Variants in DNMBP observed in about 807,000 individuals in gnomAD.
DNMBP encodes dynamin binding protein.
In DNMBP, 87 loss-of-function variants were observed where a neutral mutation model predicts 150.0. That is an observed-to-expected ratio of 0.58 (90% confidence interval 0.49 to 0.69). DNMBP has a LOEUF of 0.69. Among genes scored for constraint, DNMBP ranks in the 30% least tolerant of loss-of-function variants. The pLI is 0.00. For missense variants in DNMBP, 1,774 were observed against 1,949.0 expected (o/e 0.91, Z 1.69); for synonymous variants, 711 against 750.4 (o/e 0.95, Z 0.86).
chr10:99,927,960 G>C (rs1220734769), intron 4 of DNMBP, among the ~76,000 whole-genome samples: 1 of 152,146 alleles, frequency 6.6e-6, no homozygotes, highest in Non-Finnish European at 1.5e-5. Context: ...AGATGCGGGG[G>C]GAAGGGAAGA....
chr10:99,973,570 C>T (rs769741677), intron 1 of DNMBP, among the ~76,000 whole-genome samples: 1 of 152,222 alleles, frequency 6.6e-6, no homozygotes, highest in African/African-American at 2.4e-5. Context: ...CTCACAGCAG[C>T]AGGGCCAGAA....
intron 4 of DNMBP, among the ~76,000 whole-genome samples, chr10:99,924,903 C>T (rs1026352109): frequency 1.3e-5 from 2 of 152,170 alleles, no homozygotes; most frequent in African/African-American, 4.8e-5. Flanking sequence ...TTTCCTGCTC[C>T]ACAGCAATTA....
At chr10:99,888,979 G>A (rs3740059) in intron 11 of DNMBP, 26 bp from the exon 12 acceptor site, 5 of 1,612,816 alleles carry the variant, frequency 3.1e-6, no homozygotes, top group Non-Finnish European at 4.2e-6. Context: ...ACAGACACAA[G>A]TCAGAACAGA....
chr10:99,916,754 T>G (rs1464237042), intron 4 of DNMBP, among the ~76,000 whole-genome samples: 1 of 152,150 alleles, frequency 6.6e-6, no homozygotes, highest in Non-Finnish European at 1.5e-5. Context: ...ACTAAATAAT[T>G]GGACAAGGGC....
At chr10:99,918,941 A>C (rs2039994664) in intron 4 of DNMBP, among the ~76,000 whole-genome samples, 1 of 152,234 alleles carries the variant, frequency 6.6e-6, no homozygotes, top group Non-Finnish European at 1.5e-5. Flanking sequence ...AATAATCGAC[A>C]CAGCAAAGAT....
intron 1 of DNMBP, among the ~76,000 whole-genome samples, chr10:100,006,299 C>T (rs900321272): frequency 6.6e-6 from 1 of 152,170 alleles, no homozygotes; most frequent in African/African-American, 2.4e-5. Flanking sequence ...TCATCTGAAG[C>T]GATTTACTTT....
intron 12 of DNMBP, 30 bp from the exon 13 acceptor site, chr10:99,886,662 G>T: frequency 1.9e-6 from 3 of 1,585,534 alleles, no homozygotes; most frequent in Non-Finnish European, 2.6e-6. Flanking sequence ...ACATTGCTCA[G>T]CTGGACAGCA....
chr10:100,002,012 T>C (rs11190362), intron 1 of DNMBP, among the ~76,000 whole-genome samples: 7,523 of 152,216 alleles, frequency 0.049, 220 homozygotes, highest in African/African-American at 0.074. Context: ...ACCCCACTGC[T>C]ACAAGTTAAT....
At chr10:99,889,255 G>C (rs762563315) in intron 11 of DNMBP, 7 of 212,754 alleles carry the variant, frequency 3.3e-5, no homozygotes, top group Non-Finnish European at 5.6e-5. Context: ...TATCAAATTA[G>C]AACCAAGATG....
At chr10:100,007,946 TTC>T (rs1223485197) in intron 1 of DNMBP, among the ~76,000 whole-genome samples, 1 of 152,278 alleles carries the variant, frequency 6.6e-6, no homozygotes, top group Non-Finnish European at 1.5e-5. Context: ...TCCAGAAGTA[TTC>T]TGAATGAATT....
At chr10:99,880,717 G>A (rs2039354255) in intron 15 of DNMBP, among the ~76,000 whole-genome samples, 2 of 152,248 alleles carry the variant, frequency 1.3e-5, no homozygotes, top group Non-Finnish European at 2.9e-5. Context: ...CATGGGAAGA[G>A]AATGTCATAG....
chr10:99,968,253 T>C (rs565153602), intron 3 of DNMBP, among the ~76,000 whole-genome samples: 2 of 152,316 alleles, frequency 1.3e-5, no homozygotes, highest in Non-Finnish European at 2.9e-5. Context: ...TGCACCTATC[T>C]CTTAATTTCC....
chr10:99,910,005 C>G (rs749923328), intron 4 of DNMBP, among the ~76,000 whole-genome samples: 58 of 152,146 alleles, frequency 3.8e-4, no homozygotes, highest in Non-Finnish European at 7.1e-4. Context: ...TGGTAATAAG[C>G]AAAGGAAAAG....
At chr10:99,966,439 T>C (rs2040619901) in intron 3 of DNMBP, among the ~76,000 whole-genome samples, 1 of 152,226 alleles carries the variant, frequency 6.6e-6, no homozygotes, top group Non-Finnish European at 1.5e-5. Context: ...CTTGAGTCAG[T>C]CTTCAGACAG....
At chr10:99,900,963 G>A (rs1334485209) in intron 6 of DNMBP, among the ~76,000 whole-genome samples, 5 of 151,620 alleles carry the variant, frequency 3.3e-5, no homozygotes, top group Admixed American at 6.6e-5. Flanking sequence ...TTTGAGGCAG[G>A]GTCTCACTGT....
intron 1 of DNMBP, among the ~76,000 whole-genome samples, chr10:99,991,572 T>C (rs2133377740): frequency 6.6e-6 from 1 of 151,448 alleles, no homozygotes; most frequent in East Asian, 2.0e-4. Context: ...AAGGTCTTCA[T>C]ATCATTTTAA....
At chr10:99,993,122 G>A (rs913920830) in intron 1 of DNMBP, among the ~76,000 whole-genome samples, 11 of 152,158 alleles carry the variant, frequency 7.2e-5, no homozygotes, top group African/African-American at 2.7e-4. Context: ...TATATGTAAA[G>A]CACTGAAAAT....
At chr10:99,978,358 T>C (rs890604601) in intron 1 of DNMBP, among the ~76,000 whole-genome samples, 3 of 152,222 alleles carry the variant, frequency 2.0e-5, no homozygotes, top group Non-Finnish European at 4.4e-5. Flanking sequence ...TTGAAAGAAT[T>C]TTACACCCAC....
chr10:99,970,998 A>AAAT, intron 2 of DNMBP, among the ~76,000 whole-genome samples: 1 of 147,382 alleles, frequency 6.8e-6, no homozygotes, highest in Non-Finnish European at 1.5e-5. Flanking sequence ...AAAAAAAAAA[A>AAAT]GGAAAGCAGT....
Sources: gnomAD v4.1 joint callset for allele counts (sites outside exome capture counted in the v4.1 genomes callset) on GRCh38, gnomAD v4.1.1 for gene constraint, MANE v1.5 for transcripts, NCBI Gene and HGNC (gene_info 2026-07-23, HGNC 2026-07-21) for gene names.